NALCN: variants seen among roughly 807,000 people sequenced by gnomAD.
The protein encoded by NALCN is sodium leak channel NALCN.
NALCN carries 111 observed loss-of-function variants against 225.3 expected under a neutral mutation model. The ratio of observed to expected loss-of-function variants is 0.49; its 90% CI spans 0.42 to 0.58. NALCN has a LOEUF of 0.58. Ranked by LOEUF, NALCN falls within the 20% of genes least tolerant of loss-of-function variation. The pLI, the probability that NALCN is intolerant of heterozygous loss-of-function variation, is 0.00. For missense variants in NALCN, 1,378 were observed against 2,202.4 expected, an observed-to-expected ratio of 0.63 and a Z score of 7.49; for synonymous variants, 764 against 769.0, an observed-to-expected ratio of 0.99 and a Z score of 0.11.
At chr13:101,167,859 T>A (rs1284575129) in intron 15 of NALCN, among the ~76,000 whole-genome samples, 1 of 146,996 alleles carries the variant, frequency 6.8e-6, no homozygotes, top group African/African-American at 2.4e-5. Context: ...AAACAAAAAC[T>A]GTTAAGTCGA....
chr13:101,352,876 C>T (rs960283695), intron 6 of NALCN, among the ~76,000 whole-genome samples: 1 of 152,124 alleles, frequency 6.6e-6, no homozygotes, highest in Non-Finnish European at 1.5e-5. Flanking sequence ...TTCTTGGTAT[C>T]GAAATTTGAC....
At chr13:101,223,022 A>G (rs570578305) in intron 13 of NALCN, among the ~76,000 whole-genome samples, 74 of 152,276 alleles carry the variant, frequency 4.9e-4, no homozygotes, top group Non-Finnish European at 9.8e-4. Context: ...TCTTTTATCC[A>G]GAACACCAAA....
At chr13:101,074,403 T>A (rs2033111707) in intron 36 of NALCN, 111 bp downstream of exon 36, 1 of 971,340 alleles carries the variant, frequency 1.0e-6, no homozygotes, top group African/African-American at 1.7e-5. Context: ...AACTGATTAC[T>A]TCCCTTTCCC....
intron 7 of NALCN, among the ~76,000 whole-genome samples, chr13:101,338,045 G>T (rs2045438711): frequency 6.6e-6 from 1 of 152,154 alleles, no homozygotes; most frequent in Non-Finnish European, 1.5e-5. Flanking sequence ...ATCGATAAAT[G>T]ATACCAACAG....
In NALCN at chr13:101,054,954, C is replaced by T. The variant is rs746242073; in HGVS notation, c.*341G>A. ...CCACTTTGGGCTTAGCACTCTTTTG[C>T]GGGGCGGTGATAATACTGCATTAGA... On this transcript the variant is annotated 3_prime_UTR_variant, in exon 44 of 44. Transcript: ENST00000251127. 3.5e-5 allele frequency: 7 copies of T among 198,490 alleles called. No individual in the cohort carries two copies. The highest frequency in any genetic ancestry group is 1.5e-4 in the South Asian group (1 of 6,714). The allele number at this position is 198,490 out of a possible 1,614,324, so 12.3% of individuals were successfully genotyped here.
At chr13:101,383,860 A>C (rs1416791454) in intron 3 of NALCN, among the ~76,000 whole-genome samples, 2 of 152,232 alleles carry the variant, frequency 1.3e-5, no homozygotes, top group African/African-American at 4.8e-5. Flanking sequence ...TATTTTATAC[A>C]TTACCATGAT....
chr13:101,199,394 C>A (rs2040021495), intron 13 of NALCN, among the ~76,000 whole-genome samples: 2 of 151,686 alleles, frequency 1.3e-5, no homozygotes, highest in Non-Finnish European at 2.9e-5. Context: ...GACTTGGAAC[C>A]AACCCAAATG....
chr13:101,247,145 C>A (rs559368098), intron 11 of NALCN, among the ~76,000 whole-genome samples: 26 of 152,224 alleles, frequency 1.7e-4, no homozygotes, highest in African/African-American at 6.3e-4. Context: ...AAGATGAGAA[C>A]CTTCATAGTG....
At position 101,055,354 on chromosome 13, in the gene NALCN, A is replaced by G; in HGVS notation, c.5158T>C (p.Trp1720Arg). The G allele has an allele frequency of 6.2e-7, 1 of 1,614,118 alleles. No homozygotes were observed. Among genetic ancestry groups the G allele is most frequent in the Non-Finnish European group, 8.5e-7 (1 of 1,180,000 alleles). ...CTCTCCACAGTCAGCTGCCGGGTCC[A>G]CCACTTCTTAACTTCAGAACCGCAG... is the stretch of plus-strand genomic sequence containing the variant. The part of the protein sequence containing the change: ...ASCGSEVKKW[W>R]TRQLTVESDE... Residue 1720 changes from tryptophan (W) to arginine (R), a missense_variant, in exon 44 of 44, where the codon TGG becomes CGG. By Grantham distance (101) the Trp-to-Arg change is moderately radical. Transcript: ENST00000251127.
At chr13:101,330,382 G>C (rs2045121524) in intron 7 of NALCN, among the ~76,000 whole-genome samples, 1 of 152,054 alleles carries the variant, frequency 6.6e-6, no homozygotes, top group Admixed American at 6.5e-5. Flanking sequence ...AGAGGAGTTG[G>C]GAGGCACCTA....
At chr13:101,132,817 A>C (rs2036582179) in intron 17 of NALCN, among the ~76,000 whole-genome samples, 1 of 152,114 alleles carries the variant, frequency 6.6e-6, no homozygotes, top group African/African-American at 2.4e-5. Context: ...ACTATATCAT[A>C]ACAAAATATT....
intron 13 of NALCN, among the ~76,000 whole-genome samples, chr13:101,214,825 G>A (rs1192579440): frequency 2.0e-5 from 3 of 152,088 alleles, no homozygotes; most frequent in African/African-American, 7.2e-5. Context: ...TCAGAGAGGA[G>A]GTTGATCCAG....
At chr13:101,390,165 G>A (rs779929998) in intron 3 of NALCN, among the ~76,000 whole-genome samples, 6 of 151,922 alleles carry the variant, frequency 3.9e-5, no homozygotes, top group Middle Eastern at 3.4e-3. Flanking sequence ...GACTATAATC[G>A]AATATGACAA....
chr13:101,411,411 C>T (rs1056998086), intron 1 of NALCN, among the ~76,000 whole-genome samples: 17 of 149,184 alleles, frequency 1.1e-4, no homozygotes, highest in South Asian at 4.2e-4. Flanking sequence ...TGCGTGATCT[C>T]GGCTCGCTGC....
At chr13:101,214,126 T>C (rs2040630695) in intron 13 of NALCN, among the ~76,000 whole-genome samples, 1 of 152,116 alleles carries the variant, frequency 6.6e-6, no homozygotes, top group African/African-American at 2.4e-5. Context: ...TAAAAATGGA[T>C]GAGTTCATGT....
At position 101,065,033 on chromosome 13, in the gene NALCN, G is replaced by C. The variant is rs111527649; in HGVS notation, c.4604+371C>G. On this transcript the variant is annotated intron_variant, in intron 40 of 43. Coordinates refer to ENST00000251127, the MANE Select transcript of NALCN (RefSeq NM_052867.4). ...GCATGTTAGTCCCAGCTTTGCCAGA[G>C]CCCTGTAACCGCAAGCAAGTCACTC... is the stretch of plus-strand genomic sequence containing the variant. 1.7e-3 allele frequency among the ~76,000 whole-genome samples: 263 copies of C among 152,306 alleles called. 1 individual carries two copies. The highest frequency in any genetic ancestry group is 6.1e-3 in the African/African-American group (254 of 41,564).
At chr13:101,324,319 G>T (rs2044863240) in intron 7 of NALCN, among the ~76,000 whole-genome samples, 1 of 152,122 alleles carries the variant, frequency 6.6e-6, no homozygotes, top group African/African-American at 2.4e-5. Flanking sequence ...ATTTTAGTGG[G>T]TTTCTGTTTT....
At chr13:101,098,450 C>T (rs978994319) in intron 27 of NALCN, among the ~76,000 whole-genome samples, 2 of 152,078 alleles carry the variant, frequency 1.3e-5, no homozygotes, top group African/African-American at 2.4e-5. Context: ...GTATCCTCAG[C>T]GTTTGTTTAC....
At chr13:101,325,711 C>A (rs1416174038) in intron 7 of NALCN, among the ~76,000 whole-genome samples, 1 of 152,180 alleles carries the variant, frequency 6.6e-6, no homozygotes, top group Non-Finnish European at 1.5e-5. Flanking sequence ...AGCTAATTAA[C>A]CCCTCCAGGT....
Sources: allele counts gnomAD v4.1 joint callset (sites outside exome capture counted in the v4.1 genomes callset), GRCh38; gene constraint gnomAD v4.1.1; transcripts MANE v1.5; gene names NCBI Gene and HGNC (gene_info 2026-07-23, HGNC 2026-07-21).